Variants in TMOD3 observed in about 807,000 individuals in gnomAD.
TMOD3 encodes tropomodulin-3.
Under a neutral mutation model 39.2 loss-of-function variants are expected in TMOD3, and 20 were observed. The observed-to-expected ratio is 0.51, with a 90% CI of 0.36 to 0.74. The LOEUF (loss-of-function observed/expected upper bound fraction) is 0.74. TMOD3 is among the 30% of genes least tolerant of loss of function. The probability of loss-of-function intolerance (pLI) is 0.00; values close to 1 mark genes in which losing one functional copy is unlikely to be tolerated. For synonymous variants in TMOD3, 143 were observed against 145.8 expected (o/e 0.98, Z 0.14); for missense variants, 381 against 412.8 (o/e 0.92, Z 0.67).
At chr15:51,840,604 T>C (rs898180084) in intron 1 of TMOD3, among the ~76,000 whole-genome samples, 1 of 152,228 alleles carries the variant, frequency 6.6e-6, no homozygotes, top group Non-Finnish European at 1.5e-5. Flanking sequence ...AAATCTTTTT[T>C]GTAAGTTATT....
At chr15:51,887,419 C>A in intron 3 of TMOD3, 170 bp from the exon 4 acceptor site, 1 of 709,952 alleles carries the variant, frequency 1.4e-6, no homozygotes, top group Non-Finnish European at 2.2e-6. Flanking sequence ...ACTTTTACAG[C>A]CAAAATATTA....
chr15:51,868,734 A>G (rs929740973), intron 2 of TMOD3, among the ~76,000 whole-genome samples: 1 of 152,200 alleles, frequency 6.6e-6, no homozygotes, highest in African/African-American at 2.4e-5. Context: ...CACTTTGGGC[A>G]GCCGAGGAGG....
rs2056716606 is a variant in TMOD3, at chr15:51,912,465, C to T, written c.*3655C>T. The T allele has an allele frequency of 6.6e-6, 1 of 150,602 alleles. No individual in the cohort carries two copies. The highest frequency in any genetic ancestry group is 6.6e-5 in the Admixed American group (1 of 15,070). The allele number at this position is 150,602 out of a possible 1,614,324, so 9.3% of individuals were successfully genotyped here. On this transcript the variant is annotated 3_prime_UTR_variant, in exon 10 of 10. Coordinates refer to ENST00000308580, the MANE Select transcript of TMOD3 (RefSeq NM_014547.5). ...ATTTTTTTTTTTTTATAAAATGTTACTCATATCATATTGTACGTTATATTT... is the reference window on the plus strand; with the variant it reads ...ATTTTTTTTTTTTTATAAAATGTTATTCATATCATATTGTACGTTATATTT...
chr15:51,902,758 T>C (rs1173515631), intron 9 of TMOD3, among the ~76,000 whole-genome samples: 1 of 148,042 alleles, frequency 6.8e-6, no homozygotes. Flanking sequence ...CACGCCATTC[T>C]CCTGCCTCAG....
chr15:51,912,487 A>C lies in TMOD3; in HGVS notation c.*3677A>C, dbSNP rs1364757369. On this transcript the variant is annotated 3_prime_UTR_variant, in exon 10 of 10. Transcript: ENST00000308580. ...TTACTCATATCATATTGTACGTTAT[A>C]TTTAACTCTTGCTGTCATTAAAATA... 1 of 150,972 alleles carries C rather than the reference A, an allele frequency of 6.6e-6. No homozygotes were observed. The highest frequency in any genetic ancestry group is 1.5e-5 in the Non-Finnish European group (1 of 67,730). The allele number at this position is 150,972 out of a possible 1,614,324, so 9.4% of individuals were successfully genotyped here.
intron 3 of TMOD3, among the ~76,000 whole-genome samples, chr15:51,878,343 G>A (rs1466999417): frequency 6.7e-6 from 1 of 150,178 alleles, no homozygotes; most frequent in Non-Finnish European, 1.5e-5. Flanking sequence ...GACCAACCTG[G>A]CCAACATAAC....
intron 9 of TMOD3, among the ~76,000 whole-genome samples, chr15:51,903,907 T>G (rs987517145): frequency 7.2e-5 from 11 of 152,212 alleles, no homozygotes; most frequent in Non-Finnish European, 1.6e-4. Context: ...AGCCAAGTGC[T>G]CTATTGAATG....
At chr15:51,888,992 A>C (rs1566864532) in intron 4 of TMOD3, 64 bp from the exon 5 acceptor site, 2 of 1,057,726 alleles carry the variant, frequency 1.9e-6, no homozygotes, top group Admixed American at 2.6e-5. Context: ...TATTGATAGA[A>C]ATTTTTAGTT....
intron 1 of TMOD3, among the ~76,000 whole-genome samples, chr15:51,836,151 C>T (rs1445508464): frequency 9.9e-5 from 15 of 152,160 alleles, no homozygotes; most frequent in East Asian, 1.9e-4. Flanking sequence ...AGATATAATT[C>T]GCACACCATA....
intron 3 of TMOD3, among the ~76,000 whole-genome samples, chr15:51,887,178 G>A (rs549644378): frequency 6.7e-5 from 10 of 148,200 alleles, no homozygotes; most frequent in Admixed American, 2.0e-4. Flanking sequence ...CCAAGATCAC[G>A]CCACTACACT....
chr15:51,901,580 TG>T, intron 8 of TMOD3: 1 of 267,538 alleles, frequency 3.7e-6, no homozygotes, highest in South Asian at 5.6e-5. Flanking sequence ...TTAGTGTGTG[TG>T]TGTGTGTGTG....
chr15:51,845,032 A>G (rs938162928), intron 1 of TMOD3, among the ~76,000 whole-genome samples: 2 of 151,952 alleles, frequency 1.3e-5, no homozygotes, highest in Non-Finnish European at 2.9e-5. Flanking sequence ...CAGCTTTCAT[A>G]TTTTTCCTTT....
intron 1 of TMOD3, among the ~76,000 whole-genome samples, chr15:51,841,405 T>C (rs1247343139): frequency 6.6e-6 from 1 of 152,202 alleles, no homozygotes; most frequent in Non-Finnish European, 1.5e-5. Flanking sequence ...TTTGGGTCCT[T>C]CTAAGCTCTC....
intron 3 of TMOD3, among the ~76,000 whole-genome samples, chr15:51,886,242 G>A (rs965625196): frequency 2.0e-5 from 3 of 151,746 alleles, no homozygotes; most frequent in African/African-American, 2.4e-5. Context: ...AGGCCGAGAC[G>A]CTCCTCACTT....
chr15:51,832,735 G>A (rs984305353), intron 1 of TMOD3, among the ~76,000 whole-genome samples: 2 of 152,164 alleles, frequency 1.3e-5, no homozygotes, highest in Non-Finnish European at 2.9e-5. Flanking sequence ...AGGCTTTGCG[G>A]ATAAAAGTAT....
At chr15:51,844,450 T>C (rs988129448) in intron 1 of TMOD3, among the ~76,000 whole-genome samples, 1 of 152,202 alleles carries the variant, frequency 6.6e-6, no homozygotes, top group Admixed American at 6.5e-5. Flanking sequence ...AAGGCCTCTT[T>C]CCTAAATTCC....
At chr15:51,838,043 A>G (rs993532701) in intron 1 of TMOD3, among the ~76,000 whole-genome samples, 1 of 152,182 alleles carries the variant, frequency 6.6e-6, no homozygotes, top group African/African-American at 2.4e-5. Context: ...CGTGTGATGT[A>G]AGGGCTGCAG....
chr15:51,856,636 T>C (rs930022036), intron 1 of TMOD3, among the ~76,000 whole-genome samples: 21 of 151,744 alleles, frequency 1.4e-4, no homozygotes, highest in Non-Finnish European at 2.6e-4. Flanking sequence ...AAAAGATTCT[T>C]CACACAATAA....
rs909281167 is a variant in TMOD3, at chr15:51,896,598, C to T, written c.735+72C>T. 6.5e-6 allele frequency: 7 copies of T among 1,070,648 alleles called. No homozygotes were observed. The African/African-American group carries it at 9.4e-5, about 14-fold the overall frequency. 66.3% of individuals were successfully genotyped at this position (1,070,648 alleles called of 1,614,324 possible). On this transcript the variant is annotated intron_variant, in intron 7 of 9. Coordinates refer to ENST00000308580, the MANE Select transcript of TMOD3 (RefSeq NM_014547.5). ...GTGTTACAGTGGTGATTTTTATGAA[C>T]AAGATTTACCCCTTTTTTATAGTTA...
Sources: gnomAD v4.1 joint callset for allele counts (sites outside exome capture counted in the v4.1 genomes callset) on GRCh38, gnomAD v4.1.1 for gene constraint, MANE v1.5 for transcripts, NCBI Gene and HGNC (gene_info 2026-07-23, HGNC 2026-07-21) for gene names.